MYO7B: variants seen among roughly 807,000 people sequenced by gnomAD.
MYO7B encodes the protein myosin VIIB.
A neutral mutation model predicts 259.7 loss-of-function variants in MYO7B; 212 were observed. The observed-to-expected ratio is 0.82, with a 90% CI of 0.73 to 0.91. The LOEUF (loss-of-function observed/expected upper bound fraction) is 0.91, where lower values mean the gene tolerates loss of function less well. MYO7B is among the 40% of genes least tolerant of loss of function. The pLI, the probability that MYO7B is intolerant of heterozygous loss-of-function variation, is 0.00. For synonymous variants in MYO7B, 1,197 were observed against 1,166.4 expected (o/e 1.03, Z -0.54); for missense variants, 2,732 against 2,813.5 (o/e 0.97, Z 0.66).
At position 127,633,249 on chromosome 2, in the gene MYO7B, C is replaced by G; in HGVS notation, c.5406-9C>G. On this transcript the variant is annotated splice_polypyrimidine_tract_variant and intron_variant, in intron 39 of 47. Transcript: ENST00000409816. Reference sequence around the variant, plus strand: ...GGGTGGCACCTGCAGCACACGCTGTCCCCCTCAGGACGGGGCCCCGGAAGC... The same window carrying G: ...GGGTGGCACCTGCAGCACACGCTGTGCCCCTCAGGACGGGGCCCCGGAAGC... The G allele has an allele frequency of 6.2e-7, 1 of 1,601,986 alleles. No homozygotes were observed. Among genetic ancestry groups the G allele is most frequent in the Non-Finnish European group, 8.5e-7 (1 of 1,174,878 alleles).
At chr2:127,578,039 G>A in intron 8 of MYO7B, 94 bp from the exon 9 acceptor site, 1 of 1,474,640 alleles carries the variant, frequency 6.8e-7, no homozygotes, top group East Asian at 2.4e-5. Flanking sequence ...TCCACCCATT[G>A]CCTATGAAGT....
At chr2:127,538,600 C>T (rs1431678684) in intron 1 of MYO7B, among the ~76,000 whole-genome samples, 1 of 151,350 alleles carries the variant, frequency 6.6e-6, no homozygotes, top group East Asian at 1.9e-4. Context: ...GAGTCTGGCT[C>T]TGTTGCCCAG....
At position 127,628,194 on chromosome 2, in the gene MYO7B, C is replaced by T. The variant is rs201044032; in HGVS notation, c.4461-178C>T. On this transcript the variant is annotated intron_variant, in intron 33 of 47. Transcript: ENST00000409816. The surrounding 1 kb of genome is among the most constrained non-coding windows in gnomAD (Gnocchi z 4.8). ...TCAGCCTCCGAGAGGTCCTGTGCTC[C>T]GCCGTCCTTCATTTGTCCAGACCCA... The T allele has an allele frequency of 7.0e-4, 547 of 779,482 alleles. No homozygotes were observed. The highest frequency in any genetic ancestry group is 9.9e-4 in the Non-Finnish European group (455 of 458,084). The allele number at this position is 779,482 out of a possible 1,614,324, so 48.3% of individuals were successfully genotyped here.
intron 1 of MYO7B, among the ~76,000 whole-genome samples, chr2:127,543,947 G>T (rs555923902): frequency 6.6e-6 from 1 of 152,050 alleles, no homozygotes. Context: ...GGGTTTCACC[G>T]TGTTAGCCAG....
chr2:127,536,137 C>A (rs1692765710), intron 1 of MYO7B, among the ~76,000 whole-genome samples: 1 of 152,172 alleles, frequency 6.6e-6, no homozygotes, highest in African/African-American at 2.4e-5. Context: ...TGCTCCCACC[C>A]TGAAGCCTCC....
rs951771012 is a variant in MYO7B at position 127,627,247 on chromosome 2, A to G, written c.4397A>G (p.Asp1466Gly). ...AACTGGAAGGGGCTTTGCTTCCTGG[A>G]CCAGCAGGAGAAGATGCTGCTGGAA... ...AVNWKGLCFL[D>G]QQEKMLLELS... Residue 1466 changes from aspartate (D) to glycine (G), a missense_variant, in exon 33 of 48, where the codon GAC becomes GGC. Physicochemically the swap from Asp to Gly is moderately conservative, Grantham distance 94 (BLOSUM62 -1). Around this residue, in one of 3 missense-constraint regions of MYO7B, gnomAD observed 1,906 missense variants for 2,026.4 expected, o/e 0.94. Coordinates refer to ENST00000409816, the MANE Select transcript of MYO7B (RefSeq NM_001393586.1). This position sits in a 1 kb window ranked among gnomAD's most constrained non-coding sequence, Gnocchi z 5.6. 1 of 1,612,108 alleles carries G rather than the reference A, an allele frequency of 6.2e-7. No individual in the cohort carries two copies. The highest frequency in any genetic ancestry group is 8.5e-7 in the Non-Finnish European group (1 of 1,179,344).
At position 127,615,921 on chromosome 2, in the gene MYO7B, C is replaced by T. The variant is rs907651805; in HGVS notation, c.3398+3318C>T. Among the ~76,000 whole-genome samples the T allele has an allele frequency of 6.6e-6, 1 of 152,214 alleles. No homozygotes were observed. The highest frequency in any genetic ancestry group is 1.5e-5 in the Non-Finnish European group (1 of 68,044). On this transcript the variant is annotated intron_variant, in intron 26 of 47. Transcript: ENST00000409816. This position sits in a 1 kb window ranked among gnomAD's most constrained non-coding sequence, Gnocchi z 4.4. ...GGGATCCACAGGTCCCTCCAGTCTC[C>T]CGTTGCATGGTCGCACACAACTTGA...
chr2:127,578,266 T>G lies in MYO7B; in HGVS notation c.983T>G (p.Leu328Arg). Residue 328 changes from leucine (L) to arginine (R), a missense_variant, in exon 9 of 48, where the codon CTG becomes CGG. Leu to Arg is a moderately radical substitution (Grantham distance 102). Around this residue, in one of 3 missense-constraint regions of MYO7B, gnomAD observed 1,906 missense variants for 2,026.4 expected, o/e 0.94. Transcript: ENST00000409816. ...AAGCTGCTGGCTGCCATTCTCCACC[T>G]GGGGAATGTGGGGTTCATGGGTAAT... is the stretch of plus-strand genomic sequence containing the variant. Reference protein sequence around the residue: ...VIKLLAAILHLGNVGFMASVF... With the variant: ...VIKLLAAILHRGNVGFMASVF... 1 of 1,613,494 alleles carries G rather than the reference T, an allele frequency of 6.2e-7. No homozygotes were observed. The highest frequency in any genetic ancestry group is 8.5e-7 in the Non-Finnish European group (1 of 1,179,808).
intron 26 of MYO7B, among the ~76,000 whole-genome samples, chr2:127,617,502 T>G (rs928263659): frequency 7.0e-4 from 93 of 133,790 alleles, no homozygotes; most frequent in African/African-American, 2.5e-3. Context: ...TTTTTTTTTT[T>G]TTTTTTTTTT....
At chr2:127,624,866 A>G (rs1303030761) in intron 30 of MYO7B, among the ~76,000 whole-genome samples, 1 of 152,186 alleles carries the variant, frequency 6.6e-6, no homozygotes, top group African/African-American at 2.4e-5. Flanking sequence ...AGTCAGGCAG[A>G]TGCTGTTCCG....
In MYO7B at chr2:127,540,454, G is replaced by A. The variant is rs534918862; in HGVS notation, c.-24+4623G>A. Among the ~76,000 whole-genome samples, 23 of 152,292 alleles carry A rather than the reference G, an allele frequency of 1.5e-4. No homozygotes were observed. In the South Asian group the frequency reaches 4.6e-3, roughly 30 times the overall value. Reference sequence around the variant, plus strand: ...GTTGGGATTACAGGCGTGAGCCACCGCGCCCAGCCGCAAGTGTCTTTTTCA... The same window carrying A: ...GTTGGGATTACAGGCGTGAGCCACCACGCCCAGCCGCAAGTGTCTTTTTCA... On this transcript the variant is annotated intron_variant, in intron 1 of 47. Transcript: ENST00000409816.
rs1429051530 is a variant in MYO7B at position 127,630,845 on chromosome 2, G to A, written c.4874G>A (p.Arg1625His). Residue 1625 changes from arginine to histidine, a missense_variant, in exon 36 of 48, where the codon CGT becomes CAT. Transcript: ENST00000409816. The part of the protein sequence containing the change: ...AAQEGQFTEP[R>H]PEEPPKEKLH... ...CAGGAGGGGCAGTTCACAGAGCCAC[G>A]TCCTGAGGAGCCACCCAAGGAAAAG... The A allele has an allele frequency of 9.3e-6, 15 of 1,612,346 alleles. No individual in the cohort carries two copies. Among genetic ancestry groups the A allele is most frequent in the South Asian group, 5.5e-5 (5 of 90,930 alleles).
chr2:127,594,331 A>G (rs1679683072), intron 18 of MYO7B, among the ~76,000 whole-genome samples: 1 of 152,244 alleles, frequency 6.6e-6, no homozygotes, highest in Non-Finnish European at 1.5e-5. Flanking sequence ...AACTGGGAGC[A>G]GAGCTGGGAG....
rs1265211051 is a variant in MYO7B at position 127,604,618 on chromosome 2, CTTAA to C, written c.2340-1224_2340-1221del. Reference sequence around the variant, plus strand: ...TTTTGGACGGGCCTTCCTCACGAAGCTTAATCATTTCTCACTTTTGATTTAAAGT... The same window carrying C: ...TTTTGGACGGGCCTTCCTCACGAAGCTCATTTCTCACTTTTGATTTAAAGT... On this transcript the variant is annotated intron_variant, in intron 19 of 47. Coordinates refer to ENST00000409816, the MANE Select transcript of MYO7B (RefSeq NM_001393586.1). Among the ~76,000 whole-genome samples, 21 of 152,188 alleles carry C rather than the reference CTTAA, an allele frequency of 1.4e-4. 1 individual carries two copies. Among genetic ancestry groups the C allele is most frequent in the African/African-American group, 5.1e-4 (21 of 41,434 alleles).
In MYO7B at chr2:127,592,952, C is replaced by G. The variant is rs1263000151; in HGVS notation, c.2145+6C>G. 1 of 1,580,076 alleles carries G rather than the reference C, an allele frequency of 6.3e-7. No individual in the cohort carries two copies. Among genetic ancestry groups the G allele is most frequent in the East Asian group, 2.3e-5 (1 of 42,726 alleles). On this transcript the variant is annotated splice_donor_region_variant and intron_variant, in intron 17 of 47. Transcript: ENST00000409816. The stretch of plus-strand genomic sequence containing the variant: ...CCAACGCCATGCGGATGCAGGTCAG[C>G]GCCCCTCGGGGACGGTCACCTCTGG...
intron 26 of MYO7B, among the ~76,000 whole-genome samples, chr2:127,618,543 T>C (rs1316271902): frequency 6.6e-6 from 1 of 152,252 alleles, no homozygotes; most frequent in Non-Finnish European, 1.5e-5. Flanking sequence ...TCAGCATTCC[T>C]TCTGGGCGGC....
rs1443669129 is a variant in MYO7B, at chr2:127,611,092, G to T, written c.3192+1076G>T. The stretch of plus-strand genomic sequence containing the variant: ...GGTGTCATCTGAAAGCTTGACAGCT[G>T]GAGGGGCTGCTCCTAAGAGGGCTCA... On this transcript the variant is annotated intron_variant, in intron 24 of 47. Coordinates refer to ENST00000409816, the MANE Select transcript of MYO7B (RefSeq NM_001393586.1). The surrounding 1 kb of genome is among the most constrained non-coding windows in gnomAD (Gnocchi z 5.4). Among the ~76,000 whole-genome samples, 1 of 152,254 alleles carries T rather than the reference G, an allele frequency of 6.6e-6. No individual in the cohort carries two copies. Among genetic ancestry groups the T allele is most frequent in the Non-Finnish European group, 1.5e-5 (1 of 68,050 alleles).
At chr2:127,630,182 G>A (rs183263099) in intron 35 of MYO7B, among the ~76,000 whole-genome samples, 42 of 152,288 alleles carry the variant, frequency 2.8e-4, no homozygotes, top group Admixed American at 2.0e-3. Context: ...CAGCCTCTCC[G>A]GAGGCAGGAA....
intron 11 of MYO7B, 141 bp downstream of exon 11, chr2:127,582,151 ACTC>A: frequency 4.8e-6 from 7 of 1,470,256 alleles, no homozygotes; most frequent in Non-Finnish European, 6.4e-6. Context: ...GTGACCATGG[ACTC>A]CTCAGCCTCT....
Sources: allele counts gnomAD v4.1 joint callset (sites outside exome capture counted in the v4.1 genomes callset), GRCh38; gene constraint gnomAD v4.1.1; regional missense constraint gnomAD v4.1.1; non-coding constraint Gnocchi (gnomAD v3.1); transcripts MANE v1.5; gene names NCBI Gene and HGNC (gene_info 2026-07-23, HGNC 2026-07-21).